The following USH2A variants were observed in gnomAD, a reference collection of about 807,000 sequenced individuals.
The protein encoded by USH2A is usherin.
In USH2A, 443 loss-of-function variants were observed where a neutral mutation model predicts 538.9. That is an observed-to-expected ratio of 0.82 (90% CI 0.76 to 0.89). The LOEUF (loss-of-function observed/expected upper bound fraction) is 0.89, where lower values mean the gene tolerates loss of function less well. Among genes scored for constraint, USH2A ranks in the 40% least tolerant of loss-of-function variants. The pLI is 0.00. For synonymous variants in USH2A, 2,413 were observed against 2,273.5 expected (o/e 1.06, Z -1.75); for missense variants, 6,633 against 6,324.8 (o/e 1.05, Z -1.65).
At chr1:216,411,562 T>C (rs964248477) in intron 3 of USH2A, among the ~76,000 whole-genome samples, 1 of 152,274 alleles carries the variant, frequency 6.6e-6, no homozygotes, top group Middle Eastern at 3.4e-3. Flanking sequence ...GTGATGTAGC[T>C]ACAAGCTAAG....
In USH2A at chr1:215,675,148, C is replaced by T. The variant is rs1177374928; in HGVS notation, c.12763G>A (p.Val4255Met). Residue 4255 changes from valine to methionine, a missense_variant, in exon 63 of 72, where the codon GTG (valine) becomes ATG (methionine). Physicochemically the swap from Val to Met is conservative, Grantham distance 21. Transcript: ENST00000307340. ...GGAGGTGCTTGCAATGTCCTCACCA[C>T]ATTCCAAGAGCTACAGGTATGCCCA... ...SAGHTCSSWN[V>M]VRTLQAPPEG... 1 of 1,614,092 alleles carries T rather than the reference C, an allele frequency of 6.2e-7. No individual in the cohort carries two copies.
chr1:215,633,419 C>T (rs568466714), intron 70 of USH2A, among the ~76,000 whole-genome samples: 28 of 152,300 alleles, frequency 1.8e-4, no homozygotes, highest in Admixed American at 9.2e-4. Flanking sequence ...CCCTTTTGTG[C>T]TCCCAACACT....
rs963931456 is a variant in USH2A at position 216,423,323 on chromosome 1, C to G, written c.-314G>C. 17 of 152,138 alleles carry G rather than the reference C, an allele frequency of 1.1e-4. No homozygotes were observed. The highest frequency in any genetic ancestry group is 3.9e-4 in the African/African-American group (16 of 41,418). The allele number at this position is 152,138 out of a possible 1,614,324, so 9.4% of individuals were successfully genotyped here. The stretch of plus-strand genomic sequence containing the variant: ...GCTGCTGTAACCCCTGGTTACTCAG[C>G]AAATAGGCTGTAGCAGCAGGAATGC... On this transcript the variant is annotated 5_prime_UTR_variant, in exon 1 of 72. Coordinates refer to ENST00000307340, the MANE Select transcript of USH2A (RefSeq NM_206933.4).
chr1:215,834,698 G>A (rs1663425670), intron 47 of USH2A, among the ~76,000 whole-genome samples: 1 of 150,996 alleles, frequency 6.6e-6, no homozygotes, highest in African/African-American at 2.4e-5. Flanking sequence ...TCACTTTTTA[G>A]TCATATTGTT....
chr1:215,822,123 T>A (rs1663032067), intron 47 of USH2A, among the ~76,000 whole-genome samples: 1 of 151,964 alleles, frequency 6.6e-6, no homozygotes. Flanking sequence ...TGTGGTTCCA[T>A]ATAAATTTTA....
intron 55 of USH2A, among the ~76,000 whole-genome samples, chr1:215,773,059 G>A (rs2102754280): frequency 6.6e-6 from 1 of 152,322 alleles, no homozygotes; most frequent in South Asian, 2.1e-4. Flanking sequence ...CACTTAGGCA[G>A]ATAGTAAAGG....
chr1:216,277,617 C>T (rs1009601947), intron 11 of USH2A, among the ~76,000 whole-genome samples: 5 of 152,116 alleles, frequency 3.3e-5, no homozygotes, highest in African/African-American at 9.7e-5. Flanking sequence ...AGATGACATG[C>T]TCCCCATCAA....
At chr1:216,336,252 C>T (rs561601085) in intron 4 of USH2A, among the ~76,000 whole-genome samples, 3 of 151,474 alleles carry the variant, frequency 2.0e-5, no homozygotes, top group Admixed American at 6.6e-5. Context: ...AAGAAGACAA[C>T]TTCCTCATCT....
chr1:216,173,999 G>T, intron 21 of USH2A: 1 of 984,938 alleles, frequency 1.0e-6, no homozygotes, highest in Non-Finnish European at 1.2e-6. Context: ...TAGCTCAATG[G>T]TTCAATTTCT....
Position 215,766,877 on chromosome 1 carries a change from T to C in USH2A, c.10940-89A>G, listed in dbSNP as rs1661148561. ...CAGAAGTAACATGCAGAGTTGTAGA[T>C]ATGATAGCCAAAACATTTAAGAGTA... On this transcript the variant is annotated intron_variant, in intron 55 of 71. Transcript: ENST00000307340. The C allele has an allele frequency of 2.5e-6, 3 of 1,203,920 alleles. No homozygotes were observed. The African/African-American group carries it at 4.5e-5, about 18-fold the overall frequency. 74.6% of individuals were successfully genotyped at this position (1,203,920 alleles called of 1,614,324 possible).
intron 3 of USH2A, among the ~76,000 whole-genome samples, chr1:216,365,919 G>T (rs573883873): frequency 6.6e-6 from 1 of 152,252 alleles, no homozygotes; most frequent in African/African-American, 2.4e-5. Context: ...TGGATTACAT[G>T]ATTAAAAAGC....
In USH2A at chr1:216,377,619, C is replaced by G. The variant is rs2038846265; in HGVS notation, c.652-12534G>C. 2.0e-5 allele frequency among the ~76,000 whole-genome samples: 3 copies of G among 150,538 alleles called. No individual in the cohort carries two copies. The South Asian group carries it at 6.3e-4, about 32-fold the overall frequency. The stretch of plus-strand genomic sequence containing the variant: ...TTTTTATCATTTATATTTATTCACT[C>G]CAATTCTGACATGTTTCTTCCCAAA... On this transcript the variant is annotated intron_variant, in intron 3 of 71. Coordinates refer to ENST00000307340, the MANE Select transcript of USH2A (RefSeq NM_206933.4).
intron 61 of USH2A, among the ~76,000 whole-genome samples, chr1:215,691,311 C>G (rs769028921): frequency 2.0e-5 from 3 of 152,168 alleles, no homozygotes; most frequent in Non-Finnish European, 4.4e-5. Flanking sequence ...ATAATCAAAG[C>G]CTGTTCTTTC....
chr1:215,727,435 T>C (rs1365335093), intron 61 of USH2A, among the ~76,000 whole-genome samples: 1 of 152,092 alleles, frequency 6.6e-6, no homozygotes, highest in Non-Finnish European at 1.5e-5. Flanking sequence ...GACTAAATTA[T>C]TTCCATTTAG....
chr1:216,194,392 A>G (rs984133568), intron 19 of USH2A, among the ~76,000 whole-genome samples: 2 of 152,146 alleles, frequency 1.3e-5, no homozygotes, highest in East Asian at 3.9e-4. Flanking sequence ...AGGACAATGC[A>G]TGGATCTTGC....
At chr1:216,408,247 C>G (rs1414644049) in intron 3 of USH2A, among the ~76,000 whole-genome samples, 2 of 152,084 alleles carry the variant, frequency 1.3e-5, no homozygotes, top group East Asian at 3.9e-4. Context: ...CTGATGATAA[C>G]ATTCAGACTG....
chr1:215,748,804 G>A (rs1196531467), intron 58 of USH2A, among the ~76,000 whole-genome samples: 1 of 152,194 alleles, frequency 6.6e-6, no homozygotes, highest in Non-Finnish European at 1.5e-5. Context: ...AGAGAGTTGT[G>A]AGGATTAAAT....
In USH2A at chr1:216,324,151, T is replaced by C. The variant is rs1398859352; in HGVS notation, c.1328+17A>G. 5.6e-6 allele frequency: 9 copies of C among 1,609,930 alleles called. No homozygotes were observed. The highest frequency in any genetic ancestry group is 7.6e-6 in the Non-Finnish European group (9 of 1,177,590). On this transcript the variant is annotated intron_variant, in intron 7 of 71. Coordinates refer to ENST00000307340, the MANE Select transcript of USH2A (RefSeq NM_206933.4). ...ACCAATCAGTCTATTAAATTAATTGTTTAAAAATATTCATACTTGGAAAGC... is the reference window on the plus strand; with the variant it reads ...ACCAATCAGTCTATTAAATTAATTGCTTAAAAATATTCATACTTGGAAAGC...
At chr1:215,953,191 C>A (rs377245566) in intron 37 of USH2A, among the ~76,000 whole-genome samples, 4,636 of 151,818 alleles carry the variant, frequency 0.031, 108 homozygotes, top group South Asian at 0.08. Flanking sequence ...CAACGACTTT[C>A]TTCACAGAAT....
Sources: gnomAD v4.1 joint callset for allele counts (sites outside exome capture counted in the v4.1 genomes callset) on GRCh38, gnomAD v4.1.1 for gene constraint, MANE v1.5 for transcripts, NCBI Gene and HGNC (gene_info 2026-07-23, HGNC 2026-07-21) for gene names.